Variants in MGARP observed in about 807,000 individuals in gnomAD.
The protein encoded by MGARP is protein MGARP.
In MGARP, 12 loss-of-function variants were observed where a neutral mutation model predicts 11.0. The observed-to-expected ratio is 1.09, with a 90% confidence interval of 0.70 to 1.77. The LOEUF (loss-of-function observed/expected upper bound fraction) is 1.77, where lower values mean the gene tolerates loss of function less well. MGARP is among the 40% of genes most tolerant of loss of function. MGARP has a pLI of 0.00. For missense variants in MGARP, 283 were observed against 297.8 expected (o/e 0.95, Z 0.36); for synonymous variants, 110 against 115.4 (o/e 0.95, Z 0.30).
Position 139,266,478 on chromosome 4 carries a change from G to T in MGARP, c.*121C>A. On this transcript the variant is annotated 3_prime_UTR_variant, in exon 4 of 4. Transcript: ENST00000398955. ...ATCAGTGGATGCCAAAAATCTTCAAGACCCATTAACGTTTTCTAGAAAATA... is the reference window on the plus strand; with the variant it reads ...ATCAGTGGATGCCAAAAATCTTCAATACCCATTAACGTTTTCTAGAAAATA... The T allele has an allele frequency of 1.1e-6, 1 of 936,956 alleles. No homozygotes were observed. The highest frequency in any genetic ancestry group is 1.6e-6 in the Non-Finnish European group (1 of 644,512). The allele number at this position is 936,956 out of a possible 1,614,324, so 58.0% of individuals were successfully genotyped here. A position where few individuals can be genotyped will look rare whatever the true frequency, so the allele number is the denominator to read the frequency against.
Position 139,275,335 on chromosome 4 carries a change from A to C in MGARP, c.140T>G (p.Ile47Ser), listed in dbSNP as rs773005283. ...RFPGSSGSNM[I>S]YYLVVGVTVS... is the part of the protein sequence containing the mutation. The stretch of plus-strand genomic sequence containing the variant: ...TGTGACGCCTACAACCAGATAATAA[A>C]TCATATTTGATCCAGATGATCCAGG... The change falls in exon 2 of 4, where the codon ATT (isoleucine) becomes AGT (serine). Residue 47 changes from isoleucine to serine, a missense_variant. Ile to Ser is a moderately radical substitution (Grantham distance 142). Coordinates refer to ENST00000398955, the MANE Select transcript of MGARP (RefSeq NM_032623.4). 1.2e-6 allele frequency: 2 copies of C among 1,613,964 alleles called. No homozygotes were observed. The highest frequency in any genetic ancestry group is 8.5e-7 in the Non-Finnish European group (1 of 1,179,986).
At chr4:139,269,357 G>A (rs957071846) in intron 2 of MGARP, among the ~76,000 whole-genome samples, 5 of 152,038 alleles carry the variant, frequency 3.3e-5, no homozygotes, top group South Asian at 4.1e-4. Flanking sequence ...GGCCGGGTGC[G>A]GTGGCTCATG....
At chr4:139,276,983 G>A (rs529292872) in intron 1 of MGARP, among the ~76,000 whole-genome samples, 27 of 152,184 alleles carry the variant, frequency 1.8e-4, no homozygotes, top group Non-Finnish European at 2.8e-4. Context: ...TTTATGTTTC[G>A]TATACACCTT....
intron 1 of MGARP, among the ~76,000 whole-genome samples, chr4:139,279,842 C>A (rs576816432): frequency 1.3e-5 from 2 of 152,208 alleles, no homozygotes; most frequent in Non-Finnish European, 2.9e-5. Context: ...GATCAGGATG[C>A]GAACCCAGAT....
At position 139,277,059 on chromosome 4, in the gene MGARP, G is replaced by A. The variant is rs373366063; in HGVS notation, c.83-1667C>T. 2.6e-5 allele frequency among the ~76,000 whole-genome samples: 4 copies of A among 152,146 alleles called. No homozygotes were observed. In the East Asian group the frequency reaches 5.8e-4, roughly 22 times the overall value. ...TAATTTTGTGCTTGAAACAAAGTTT[G>A]TGTTAAGTACTTACATGTGAAATTT... is the stretch of plus-strand genomic sequence containing the variant. On this transcript the variant is annotated intron_variant, in intron 1 of 3. Coordinates refer to ENST00000398955, the MANE Select transcript of MGARP (RefSeq NM_032623.4).
intron 3 of MGARP, among the ~76,000 whole-genome samples, chr4:139,267,667 C>T (rs896716431): frequency 9.2e-5 from 14 of 151,992 alleles, no homozygotes; most frequent in East Asian, 1.9e-4. Flanking sequence ...TATAAACAAC[C>T]GCATGATTAT....
intron 2 of MGARP, among the ~76,000 whole-genome samples, chr4:139,271,731 G>C (rs916028983): frequency 6.6e-6 from 1 of 152,152 alleles, no homozygotes; most frequent in East Asian, 1.9e-4. Flanking sequence ...CTTACATTCA[G>C]CATTTCCTCC....
rs751841624 is a variant in MGARP at position 139,266,616 on chromosome 4, C to T, written c.706G>A (p.Ala236Thr). 3 of 1,612,972 alleles carry T rather than the reference C, an allele frequency of 1.9e-6. No homozygotes were observed. Among genetic ancestry groups the T allele is most frequent in the Non-Finnish European group, 1.7e-6 (2 of 1,179,540 alleles). ...GCTGGAGATTAGCCTTGAGCCGAAG[C>T]AGCCTCAGAGCCAACACTGGCTTCC... ...QEEASVGSEA[A>T]SAQG Residue 236 changes from alanine (A) to threonine (T), a missense_variant, in exon 4 of 4, where the codon GCT becomes ACT. Physicochemically the swap from Ala to Thr is moderately conservative, Grantham distance 58 (BLOSUM62 0). Transcript: ENST00000398955.
chr4:139,267,646 C>T (rs1362870714), intron 3 of MGARP, among the ~76,000 whole-genome samples: 1 of 152,078 alleles, frequency 6.6e-6, no homozygotes, highest in East Asian at 1.9e-4. Context: ...TATGCAAATG[C>T]TTATTAGTAT....
intron 2 of MGARP, among the ~76,000 whole-genome samples, chr4:139,270,293 C>T (rs1404517180): frequency 4.5e-5 from 6 of 132,414 alleles, no homozygotes; most frequent in African/African-American, 1.4e-4. Flanking sequence ...AGGGAAACTC[C>T]GTCTCAAAAA....
At chr4:139,275,605 A>G (rs995220984) in intron 1 of MGARP, among the ~76,000 whole-genome samples, 8 of 152,214 alleles carry the variant, frequency 5.3e-5, no homozygotes, top group African/African-American at 1.9e-4. Flanking sequence ...GAAACCTGTC[A>G]TCTTGATGCT....
chr4:139,273,323 G>A (rs1327514950), intron 2 of MGARP, among the ~76,000 whole-genome samples: 3 of 151,746 alleles, frequency 2.0e-5, no homozygotes, highest in Non-Finnish European at 2.9e-5. Context: ...AGGCTCAAGC[G>A]ATCCTCCCAT....
At chr4:139,267,247 G>A (rs772861962) in intron 3 of MGARP, among the ~76,000 whole-genome samples, 6 of 152,118 alleles carry the variant, frequency 3.9e-5, no homozygotes, top group African/African-American at 1.2e-4. Flanking sequence ...TGGAGCAGGA[G>A]GGGGGTAAGT....
chr4:139,278,583 CGTGT>C (rs150505211), intron 1 of MGARP, among the ~76,000 whole-genome samples: 1 of 150,790 alleles, frequency 6.6e-6, no homozygotes, highest in African/African-American at 2.4e-5. Flanking sequence ...AAAAGGTGCG[CGTGT>C]GTGTGTGTGT....
intron 2 of MGARP, among the ~76,000 whole-genome samples, chr4:139,273,347 G>T (rs1744815460): frequency 6.6e-6 from 1 of 151,696 alleles, no homozygotes; most frequent in Non-Finnish European, 1.5e-5. Flanking sequence ...AGCCTCCCAA[G>T]TACCTAGGAC....
Position 139,266,670 on chromosome 4 carries a change from C to CT in MGARP, c.651dup (p.Glu218ArgfsTer7). ...TGTAAATCATCTCCAGCAGAGGACT[C>CT]TGACTCAGCTGGAGAATTTTCTTCT... On this transcript the variant is annotated frameshift_variant, in exon 4 of 4. Coordinates refer to ENST00000398955, the MANE Select transcript of MGARP (RefSeq NM_032623.4). LOFTEE classifies it low-confidence loss of function (END_TRUNC). The CT allele has an allele frequency of 6.2e-7, 1 of 1,614,140 alleles. No homozygotes were observed. Among genetic ancestry groups the CT allele is most frequent in the Non-Finnish European group, 8.5e-7 (1 of 1,180,020 alleles).
intron 2 of MGARP, among the ~76,000 whole-genome samples, chr4:139,271,933 A>G (rs760975736): frequency 1.4e-4 from 21 of 152,332 alleles, no homozygotes; most frequent in Non-Finnish European, 2.9e-4. Flanking sequence ...CCAGTGAGTT[A>G]GCAGTCTGGC....
chr4:139,278,000 G>A (rs1415518776), intron 1 of MGARP, among the ~76,000 whole-genome samples: 2 of 152,146 alleles, frequency 1.3e-5, no homozygotes, highest in African/African-American at 4.8e-5. Flanking sequence ...GGCCGAGGTA[G>A]GTGGATCACC....
At position 139,275,443 on chromosome 4, in the gene MGARP, A is replaced by G. The variant is rs190610040; in HGVS notation, c.83-51T>C. ...TTAGCTTCACTAGTTGAGCAAAACT[A>G]TTTTAAATAATTACATCTTTCAAAA... is the stretch of plus-strand genomic sequence containing the variant. On this transcript the variant is annotated intron_variant, in intron 1 of 3. Coordinates refer to ENST00000398955, the MANE Select transcript of MGARP (RefSeq NM_032623.4). 56 of 1,400,634 alleles carry G rather than the reference A, an allele frequency of 4.0e-5. No individual in the cohort carries two copies. In the East Asian group the frequency reaches 1.2e-3, roughly 31 times the overall value. 86.8% of individuals were successfully genotyped at this position (1,400,634 alleles called of 1,614,324 possible). A position where few individuals can be genotyped will look rare whatever the true frequency, so the allele number is the denominator to read the frequency against.
Sources: allele counts gnomAD v4.1 joint callset (sites outside exome capture counted in the v4.1 genomes callset), GRCh38; gene constraint gnomAD v4.1.1; transcripts MANE v1.5; gene names NCBI Gene and HGNC (gene_info 2026-07-23, HGNC 2026-07-21).